Variants in STOX2 observed in about 807,000 individuals in gnomAD.
The protein encoded by STOX2 is storkhead box 2.
A neutral mutation model predicts 60.9 loss-of-function variants in STOX2; 28 were observed. The ratio of observed to expected loss-of-function variants is 0.46; its 90% CI spans 0.34 to 0.63. The LOEUF (loss-of-function observed/expected upper bound fraction) is 0.63, where lower values mean the gene tolerates loss of function less well. Among genes scored for constraint, STOX2 ranks in the 30% least tolerant of loss-of-function variants. The probability of loss-of-function intolerance (pLI) is 0.01; values close to 1 mark genes in which losing one functional copy is unlikely to be tolerated. For missense variants in STOX2, 1,024 were observed against 1,187.7 expected (o/e 0.86, Z 2.03); for synonymous variants, 472 against 463.9 (o/e 1.02, Z -0.22).
In STOX2 at chr4:183,954,496, G is replaced by T. The variant is rs572326699; in HGVS notation, c.167-46829G>T. ...GTAGAGACGGGGTTTCACCATGTTG[G>T]CCAGGCTAGTCTCGAACTCCTGACC... On this transcript the variant is annotated intron_variant, in intron 1 of 3. Transcript: ENST00000308497. Among the ~76,000 whole-genome samples, 3 of 151,918 alleles carry T rather than the reference G, an allele frequency of 2.0e-5. No individual in the cohort carries two copies. In the South Asian group the frequency reaches 6.3e-4, roughly 32 times the overall value.
chr4:183,807,264 G>A (rs1432396325), intron 1 of STOX2, among the ~76,000 whole-genome samples: 1 of 152,174 alleles, frequency 6.6e-6, no homozygotes, highest in Non-Finnish European at 1.5e-5. Context: ...GAACCACCGC[G>A]CCCGGCCTCT....
chr4:183,886,826 T>G (rs1579375174), intron 1 of STOX2, among the ~76,000 whole-genome samples: 2 of 152,182 alleles, frequency 1.3e-5, no homozygotes, highest in East Asian at 3.9e-4. Context: ...CTGCCATCTT[T>G]TTTCTCATCC....
At chr4:183,845,053 A>C (rs1739955334) in intron 1 of STOX2, among the ~76,000 whole-genome samples, 1 of 152,238 alleles carries the variant, frequency 6.6e-6, no homozygotes, top group African/African-American at 2.4e-5. Flanking sequence ...TTAGATTCCC[A>C]ATCAGGTGAC....
At chr4:183,982,225 T>C (rs1260502379) in intron 1 of STOX2, among the ~76,000 whole-genome samples, 1 of 152,246 alleles carries the variant, frequency 6.6e-6, no homozygotes, top group Non-Finnish European at 1.5e-5. Context: ...CCCAATCCTA[T>C]GAGAATTGAC....
At chr4:183,893,129 T>C (rs1406094934) in intron 1 of STOX2, among the ~76,000 whole-genome samples, 1 of 151,350 alleles carries the variant, frequency 6.6e-6, no homozygotes, top group East Asian at 1.9e-4. Context: ...TTTTCCCCTC[T>C]CCCTCACTGT....
chr4:183,798,553 C>G (rs1036635861), intron 1 of STOX2: 3 of 923,606 alleles, frequency 3.2e-6, no homozygotes, highest in Non-Finnish European at 3.9e-6. Flanking sequence ...GGGGACGCGC[C>G]GGGAAGCTAG....
At chr4:183,975,637 C>G (rs1327839692) in intron 1 of STOX2, among the ~76,000 whole-genome samples, 2 of 152,120 alleles carry the variant, frequency 1.3e-5, no homozygotes. Flanking sequence ...CTTTATATCT[C>G]AATAAATTCA....
In STOX2 at chr4:183,823,902, A is replaced by G. The variant is rs2111113212; in HGVS notation, c.364+25847A>G. 2.6e-5 allele frequency among the ~76,000 whole-genome samples: 4 copies of G among 152,354 alleles called. No individual in the cohort carries two copies. The Middle Eastern group carries it at 0.01, about 389-fold the overall frequency. ...GCTATTGTAAAGCATAATGTACAGC[A>G]TACGTTAAAAACAGTATAACAGCAA... is the stretch of plus-strand genomic sequence containing the variant. On this transcript the variant is annotated intron_variant, in intron 1 of 2. Transcript: ENST00000513034.
Position 183,906,838 on chromosome 4 carries a change from G to A in STOX2, c.48G>A (p.Ser16=). 1 of 1,555,860 alleles carries A rather than the reference G, an allele frequency of 6.4e-7. No individual in the cohort carries two copies. Among genetic ancestry groups the A allele is most frequent in the Non-Finnish European group, 8.7e-7 (1 of 1,149,712 alleles). Residue 16 remains serine, a synonymous_variant, in exon 1 of 4, where the codon TCG becomes TCA. Coordinates refer to ENST00000308497, the MANE Select transcript of STOX2 (RefSeq NM_020225.3). ...CCTTGCGGCGAGCCTGGCCTAGCTC[G>A]GATTTCTCGGACCGGGCCTCGGACC... The part of the protein sequence containing the change: ...STTLRRAWPS[S]DFSDRASDRM...
rs775819524 is a variant in STOX2, at chr4:183,981,418, C to T, written c.167-19907C>T. Among the ~76,000 whole-genome samples the T allele has an allele frequency of 5.7e-4, 86 of 151,430 alleles. 1 individual carries two copies. The highest frequency in any genetic ancestry group is 9.7e-4 in the Non-Finnish European group (66 of 67,908). ...TTCTCTGCAGTTTAAATACTAGATA[C>T]GAGATAGAAACGTCTGAGATACACT... On this transcript the variant is annotated intron_variant, in intron 1 of 3. Transcript: ENST00000308497.
chr4:183,983,450 G>T (rs146666959), intron 1 of STOX2, among the ~76,000 whole-genome samples: 1 of 152,352 alleles, frequency 6.6e-6, no homozygotes, highest in Admixed American at 6.5e-5. Context: ...GTTTTGAGTC[G>T]AAAGGAGGTT....
Position 183,907,186 on chromosome 4 carries a change from G to T in STOX2, c.166+230G>T, listed in dbSNP as rs1170514921. On this transcript the variant is annotated intron_variant, in intron 1 of 3. Coordinates refer to ENST00000308497, the MANE Select transcript of STOX2 (RefSeq NM_020225.3). ...TAGTTAGGTAAAACGAGGGAGGGGG[G>T]ACGAGCCGGGCGTTTTGGCTGCAGG... is the stretch of plus-strand genomic sequence containing the variant. 4.6e-5 allele frequency among the ~76,000 whole-genome samples: 7 copies of T among 152,162 alleles called. No homozygotes were observed. The South Asian group carries it at 1.5e-3, about 32-fold the overall frequency.
chr4:184,004,594 C>T lies in STOX2; in HGVS notation c.319+3117C>T, dbSNP rs189560040. Among the ~76,000 whole-genome samples, 445 of 123,784 alleles carry T rather than the reference C, an allele frequency of 3.6e-3. 4 individuals carry two copies. The highest frequency in any genetic ancestry group is 0.011 in the African/African-American group (418 of 37,448). 81.2% of individuals were successfully genotyped at this position (123,784 alleles called of 152,430 possible). Reference sequence around the variant, plus strand: ...CAGCCTGGGCGACAGAGCGAGACTCCGTTTCAAAAACAAAAACAAAAAAAA... The same window carrying T: ...CAGCCTGGGCGACAGAGCGAGACTCTGTTTCAAAAACAAAAACAAAAAAAA... On this transcript the variant is annotated intron_variant, in intron 2 of 3. Transcript: ENST00000308497.
intron 2 of STOX2, among the ~76,000 whole-genome samples, chr4:184,005,226 G>A (rs1369036190): frequency 6.6e-6 from 1 of 152,142 alleles, no homozygotes; most frequent in East Asian, 1.9e-4. Flanking sequence ...TTGGGAGGCC[G>A]AGGTGGGCGG....
intron 1 of STOX2, among the ~76,000 whole-genome samples, chr4:183,954,201 G>A (rs890680075): frequency 5.3e-5 from 8 of 152,190 alleles, no homozygotes; most frequent in Non-Finnish European, 1.0e-4. Context: ...TGCAGGGCCC[G>A]TGGGAGGAAC....
chr4:183,906,002 G>A lies in STOX2; in HGVS notation c.-789G>A, dbSNP rs545818296. 6.6e-6 allele frequency: 1 copy of A among 152,264 alleles called. No homozygotes were observed. Among genetic ancestry groups the A allele is most frequent in the Non-Finnish European group, 1.5e-5 (1 of 68,096 alleles). The allele number at this position is 152,264 out of a possible 1,614,324, so 9.4% of individuals were successfully genotyped here. The stretch of plus-strand genomic sequence containing the variant: ...GCGCCCGGAGCCTCGGCAAGGGGAA[G>A]ATTGACGAGGCGCTGCAGTCGCGGG... On this transcript the variant is annotated 5_prime_UTR_variant, in exon 1 of 4. Transcript: ENST00000308497.
chr4:183,892,815 A>G (rs1741254544), intron 1 of STOX2, among the ~76,000 whole-genome samples: 1 of 59,082 alleles, frequency 1.7e-5, no homozygotes, highest in African/African-American at 4.6e-5. Flanking sequence ...CACACGAGCA[A>G]CTGTTACCTA....
chr4:183,896,950 G>A (rs777164885), intron 1 of STOX2, among the ~76,000 whole-genome samples: 4 of 152,160 alleles, frequency 2.6e-5, no homozygotes, highest in East Asian at 1.9e-4. Flanking sequence ...TCATTTGGGG[G>A]TTAGTTAAAT....
Position 183,896,544 on chromosome 4 carries a change from G to A in STOX2, c.364+98489G>A, listed in dbSNP as rs988460254. ...TTTCATAGAGACGGGATCTTGTTAT[G>A]TTGCCCAGGCTGTTCTCAAACTTCT... On this transcript the variant is annotated intron_variant, in intron 1 of 2. Transcript: ENST00000513034. Among the ~76,000 whole-genome samples, 5 of 152,160 alleles carry A rather than the reference G, an allele frequency of 3.3e-5. No homozygotes were observed. The East Asian group carries it at 7.7e-4, about 23-fold the overall frequency.
Sources: allele counts gnomAD v4.1 joint callset (sites outside exome capture counted in the v4.1 genomes callset), GRCh38; gene constraint gnomAD v4.1.1; transcripts MANE v1.5; gene names NCBI Gene and HGNC (gene_info 2026-07-23, HGNC 2026-07-21).